The following ZFYVE26 variants were observed in gnomAD, a reference collection of about 807,000 sequenced individuals.
The protein encoded by ZFYVE26 is zinc finger FYVE-type containing 26, also known as zinc finger FYVE domain-containing protein 26.
Under a neutral mutation model 276.5 loss-of-function variants are expected in ZFYVE26, and 181 were observed. That is an observed-to-expected ratio of 0.65 (90% confidence interval 0.58 to 0.74). The LOEUF is 0.74. Among genes scored for constraint, ZFYVE26 ranks in the 30% least tolerant of loss-of-function variants. The pLI is 0.00. For missense variants in ZFYVE26, 2,821 were observed against 3,097.9 expected, an observed-to-expected ratio of 0.91 and a Z score of 2.12; for synonymous variants, 1,129 against 1,203.1, an observed-to-expected ratio of 0.94 and a Z score of 1.27.
chr14:67,812,353 A>T (rs1263270699), intron 3 of ZFYVE26, among the ~76,000 whole-genome samples: 2 of 152,192 alleles, frequency 1.3e-5, no homozygotes, highest in Non-Finnish European at 2.9e-5. Flanking sequence ...TAAAAGGCAG[A>T]AGGCAAAAAT....
chr14:67,772,947 G>A (rs929613568), intron 27 of ZFYVE26, among the ~76,000 whole-genome samples: 4 of 151,996 alleles, frequency 2.6e-5, no homozygotes, highest in South Asian at 4.2e-4. Flanking sequence ...ATGACAGAGG[G>A]AGACTCTCTT....
At chr14:67,749,732 G>A (rs948182975) in intron 41 of ZFYVE26, among the ~76,000 whole-genome samples, 1 of 152,198 alleles carries the variant, frequency 6.6e-6, no homozygotes, top group Non-Finnish European at 1.5e-5. Context: ...TCACTAAAGT[G>A]ATCCAGTCCT....
chr14:67,797,922 G>A (rs760750215), intron 11 of ZFYVE26, 92 bp downstream of exon 11: 2 of 1,602,658 alleles, frequency 1.2e-6, no homozygotes, highest in Non-Finnish European at 8.5e-7. Flanking sequence ...GAGTTATGGG[G>A]TGACTCCTAT....
At position 67,776,115 on chromosome 14, in the gene ZFYVE26, G is replaced by T; in HGVS notation, c.4975-9C>A. ...GGCAGGGTCAGCAGAATCTGTTTGT[G>T]GGGTAGATCCATAGAGTAAAGAAAA... On this transcript the variant is annotated splice_polypyrimidine_tract_variant and intron_variant, in intron 25 of 41. Transcript: ENST00000347230. The T allele has an allele frequency of 6.2e-7, 1 of 1,614,022 alleles. No homozygotes were observed. The highest frequency in any genetic ancestry group is 1.1e-5 in the South Asian group (1 of 91,030).
At chr14:67,744,251 T>C (rs1005363931), downstream of ZFYVE26, among the ~76,000 whole-genome samples, 1 of 152,186 alleles carries the variant, frequency 6.6e-6, no homozygotes, top group Non-Finnish European at 1.5e-5. Flanking sequence ...GGTTTCTAAA[T>C]ATAGCAGTCA....
rs2038521331 is a variant in ZFYVE26, at chr14:67,747,735, T to A, written c.*701A>T. On this transcript the variant is annotated 3_prime_UTR_variant, in exon 42 of 42. Transcript: ENST00000347230. ...GCCCGTGTTAGCCTCACAGACCTGA[T>A]CATTTATACACATACCCACAGCTTT... is the stretch of plus-strand genomic sequence containing the variant. 1 of 148,508 alleles carries A rather than the reference T, an allele frequency of 6.7e-6. No individual in the cohort carries two copies. The highest frequency in any genetic ancestry group is 1.5e-5 in the Non-Finnish European group (1 of 67,490). The allele number at this position is 148,508 out of a possible 1,614,324, so 9.2% of individuals were successfully genotyped here. A position where few individuals can be genotyped will look rare whatever the true frequency, so the allele number is the denominator to read the frequency against.
chr14:67,815,415 C>A, intron 2 of ZFYVE26: 2 of 302,466 alleles, frequency 6.6e-6, no homozygotes, highest in South Asian at 3.6e-5. Flanking sequence ...AAAGCGACAA[C>A]AATATTTTCA....
intron 14 of ZFYVE26, chr14:67,729,105 T>C (rs1685932751): frequency 7.3e-7 from 1 of 1,361,846 alleles, no homozygotes; most frequent in Non-Finnish European, 1.0e-6. Flanking sequence ...TCCCTCCTTC[T>C]CACTTGTGTA....
Position 67,804,229 on chromosome 14 carries a change from A to C in ZFYVE26, c.1307T>G (p.Leu436Ter). The C allele has an allele frequency of 6.2e-7, 1 of 1,614,218 alleles. No homozygotes were observed. The highest frequency in any genetic ancestry group is 8.5e-7 in the Non-Finnish European group (1 of 1,180,038). The change falls in exon 9 of 42, where the codon TTA becomes TGA. Residue 436 changes from leucine to a stop codon, truncating the protein, a stop_gained. Transcript: ENST00000347230. LOFTEE classifies it high-confidence loss of function. The part of the protein sequence containing the change: ...PIPKRDLLYH[L>*]HGGDSHSVLY... ...CACTGAGTGGCTGTCTCCACCGTGT[A>C]AATGATACAACAGATCTCTCTTTGG...
chr14:67,743,501 TAAAATAAAATA>T (rs1332628245), downstream of ZFYVE26, among the ~76,000 whole-genome samples: 24 of 1,202 alleles, frequency 0.02, no homozygotes, highest in African/African-American at 0.022. Flanking sequence ...AGTATAATAA[TAAAATAAAATA>T]AAATAAAATA....
chr14:67,733,064 A>G (rs1262586673), intron 13 of ZFYVE26, among the ~76,000 whole-genome samples: 1 of 152,166 alleles, frequency 6.6e-6, no homozygotes, highest in Non-Finnish European at 1.5e-5. Flanking sequence ...TGGCACATGT[A>G]TACATATGTA....
intron 13 of ZFYVE26, among the ~76,000 whole-genome samples, chr14:67,740,056 G>A (rs112369567): frequency 5.3e-5 from 8 of 152,164 alleles, no homozygotes; most frequent in African/African-American, 1.9e-4. Flanking sequence ...GGACCTCAGT[G>A]TTCTCTATTG....
chr14:67,806,172 T>C (rs936085820), intron 6 of ZFYVE26, among the ~76,000 whole-genome samples: 8 of 152,328 alleles, frequency 5.3e-5, no homozygotes, highest in African/African-American at 1.9e-4. Flanking sequence ...GATTAATAAA[T>C]ATCTGCTGAA....
chr14:67,791,893 C>A (rs976739194), intron 14 of ZFYVE26, among the ~76,000 whole-genome samples: 27 of 151,852 alleles, frequency 1.8e-4, no homozygotes, highest in African/African-American at 5.8e-4. Flanking sequence ...AACCCCGTCT[C>A]TATTAAAAAT....
At chr14:67,745,952 A>G (rs990557411), downstream of ZFYVE26, among the ~76,000 whole-genome samples, 349 of 148,294 alleles carry the variant, frequency 2.4e-3, 13 homozygotes, top group East Asian at 0.064. Context: ...AAAAAAAAAA[A>G]AAAAAAAAAA....
Position 67,746,642 on chromosome 14 carries a change from A to C in ZFYVE26, c.*1794T>G, listed in dbSNP as rs540998421. 45 of 152,456 alleles carry C rather than the reference A, an allele frequency of 3.0e-4. No homozygotes were observed. The highest frequency in any genetic ancestry group is 1.0e-3 in the African/African-American group (42 of 41,574). 9.4% of individuals were successfully genotyped at this position (152,456 alleles called of 1,614,324 possible). On this transcript the variant is annotated 3_prime_UTR_variant, in exon 42 of 42. Coordinates refer to ENST00000347230, the MANE Select transcript of ZFYVE26 (RefSeq NM_015346.4). ...TACAGCGTGGTGTTCAAAGGCTTTT[A>C]GCCTCATCTCATATCAGTCTAGTCA...
rs560741503 is a variant in ZFYVE26 at position 67,748,471 on chromosome 14, G to C, written c.7585C>G (p.Pro2529Ala). 1 of 1,612,904 alleles carries C rather than the reference G, an allele frequency of 6.2e-7. No homozygotes were observed. Among genetic ancestry groups the C allele is most frequent in the South Asian group, 1.1e-5 (1 of 91,034 alleles). The change falls in exon 42 of 42, where the codon CCC becomes GCC. Residue 2529 changes from proline (P) to alanine (A), a missense_variant. Transcript: ENST00000347230. Reference sequence around the variant, plus strand: ...GAGCCTGGGCCATGGGCACCCCGGGGGTGGCTTGTCAGAAGCCACTGGGCA... The same window carrying C: ...GAGCCTGGGCCATGGGCACCCCGGGCGTGGCTTGTCAGAAGCCACTGGGCA... ...ICAQWLLTSHPRGAHGPGSRK is the reference protein window; with the variant it reads ...ICAQWLLTSHARGAHGPGSRK
chr14:67,782,663 A>C, intron 21 of ZFYVE26, 117 bp downstream of exon 21: 1 of 1,521,152 alleles, frequency 6.6e-7, no homozygotes, highest in Non-Finnish European at 9.0e-7. Flanking sequence ...TCTTAATAAC[A>C]TGAGATTATA....
At chr14:67,791,679 C>G (rs2039817304) in intron 14 of ZFYVE26, among the ~76,000 whole-genome samples, 1 of 149,954 alleles carries the variant, frequency 6.7e-6, no homozygotes. Flanking sequence ...AAGACCACGG[C>G]TCAAGAAAAG....
Sources: allele counts gnomAD v4.1 joint callset (sites outside exome capture counted in the v4.1 genomes callset), GRCh38; gene constraint gnomAD v4.1.1; transcripts MANE v1.5; gene names NCBI Gene and HGNC (gene_info 2026-07-23, HGNC 2026-07-21).